The following GABRP variants were observed in gnomAD, a reference collection of about 807,000 sequenced individuals.
GABRP encodes gamma-aminobutyric acid type A receptor subunit pi.
Under a neutral mutation model 47.8 loss-of-function variants are expected in GABRP, and 52 were observed. The observed-to-expected ratio is 1.09, with a 90% CI of 0.87 to 1.37. The LOEUF is 1.37. GABRP is among the 40% of genes most tolerant of loss of function. The pLI is 0.00. For missense variants in GABRP, 525 were observed against 542.8 expected (o/e 0.97, Z 0.33); for synonymous variants, 221 against 205.8 (o/e 1.07, Z -0.63).
chr5:170,803,468 TG>T (rs1205569817), intron 6 of GABRP, among the ~76,000 whole-genome samples: 1 of 152,236 alleles, frequency 6.6e-6, no homozygotes, highest in Non-Finnish European at 1.5e-5. Flanking sequence ...GACTCAGAGT[TG>T]TTTTTTAACA....
chr5:170,789,320 G>A (rs575917022), intron 3 of GABRP, 73 bp downstream of exon 3: 16 of 965,830 alleles, frequency 1.7e-5, no homozygotes, highest in Admixed American at 6.7e-5. Flanking sequence ...GGAGGGTTTC[G>A]GGAGGTTTTA....
intron 3 of GABRP, among the ~76,000 whole-genome samples, chr5:170,793,769 G>GA (rs1166053264): frequency 9.7e-5 from 11 of 113,562 alleles, no homozygotes; most frequent in South Asian, 8.5e-4. Context: ...CCAACATGGA[G>GA]AAAAAAATAC....
At chr5:170,809,006 G>C (rs117738520) in intron 8 of GABRP, among the ~76,000 whole-genome samples, 1 of 151,948 alleles carries the variant, frequency 6.6e-6, no homozygotes, top group South Asian at 2.1e-4. Flanking sequence ...GCGTGATCTC[G>C]GCTCACTGCA....
In GABRP at chr5:170,808,608, A is replaced by C; in HGVS notation, c.688A>C (p.Thr230Pro). ...TRSQQETGNY[T>P]RLVLQFELRR... Reference sequence around the variant, plus strand: ...GTTGTTTACCCTTTCAGGAAATTACACTAGATTGGTCTTACAGTTTGAGCT... The same window carrying C: ...GTTGTTTACCCTTTCAGGAAATTACCCTAGATTGGTCTTACAGTTTGAGCT... The change falls in exon 8 of 10, where the codon ACT (threonine) becomes CCT (proline). Residue 230 changes from threonine (T) to proline (P), a missense_variant. Transcript: ENST00000265294. 6.2e-7 allele frequency: 1 copy of C among 1,613,826 alleles called. No homozygotes were observed. The highest frequency in any genetic ancestry group is 8.5e-7 in the Non-Finnish European group (1 of 1,179,876).
chr5:170,788,409 A>T, intron 1 of GABRP, 165 bp from the exon 2 acceptor site: 2 of 495,984 alleles, frequency 4.0e-6, no homozygotes, highest in Admixed American at 3.6e-5. Context: ...TCATTCCTGG[A>T]GGGAACACAG....
chr5:170,790,200 G>A (rs2127251670), intron 3 of GABRP, among the ~76,000 whole-genome samples: 1 of 152,284 alleles, frequency 6.6e-6, no homozygotes, highest in Non-Finnish European at 1.5e-5. Flanking sequence ...CAACTGCACA[G>A]CTCTTCATAG....
intron 1 of GABRP, chr5:170,788,084 C>T (rs544015323): frequency 6.6e-6 from 1 of 152,486 alleles, no homozygotes; most frequent in South Asian, 2.1e-4. Context: ...GGCATAGTGG[C>T]CCATGCCTGT....
intron 1 of GABRP, 66 bp from the exon 2 acceptor site, chr5:170,788,508 G>A: frequency 1.9e-6 from 2 of 1,061,628 alleles, no homozygotes; most frequent in Non-Finnish European, 2.9e-6. Flanking sequence ...ACCAGAGAGA[G>A]AGGCTGGCCA....
intron 6 of GABRP, among the ~76,000 whole-genome samples, chr5:170,800,950 C>CA (rs1174816642): frequency 1.3e-5 from 2 of 151,964 alleles, no homozygotes; most frequent in Non-Finnish European, 2.9e-5. Flanking sequence ...CCATCTCAAA[C>CA]AAAAAAATAT....
intron 4 of GABRP, chr5:170,794,522 C>T (rs1765370460): frequency 2.7e-6 from 1 of 364,342 alleles, no homozygotes; most frequent in Non-Finnish European, 4.9e-6. Context: ...TCTTGTAGAG[C>T]AGATTTCCTG....
At chr5:170,785,091 C>T (rs61590894) in intron 1 of GABRP, among the ~76,000 whole-genome samples, 5,301 of 152,234 alleles carry the variant, frequency 0.035, 290 homozygotes, top group African/African-American at 0.12. Flanking sequence ...TGAGGCTGGC[C>T]GACACATAAA....
intron 5 of GABRP, among the ~76,000 whole-genome samples, chr5:170,797,097 A>G (rs1765450014): frequency 6.6e-6 from 1 of 152,234 alleles, no homozygotes; most frequent in African/African-American, 2.4e-5. Flanking sequence ...GCCTGCTGTC[A>G]AGTGGTGACG....
chr5:170,795,139 T>C (rs1765390572), intron 4 of GABRP, 69 bp from the exon 5 acceptor site: 1 of 1,117,268 alleles, frequency 9.0e-7, no homozygotes, highest in Non-Finnish European at 1.4e-6. Context: ...TTGACCACTT[T>C]CCTCCATTTG....
upstream of GABRP, among the ~76,000 whole-genome samples, chr5:170,783,086 A>G (rs7722089): frequency 0.63 from 96,222 of 151,894 alleles, 31,737 homozygotes; most frequent in African/African-American, 0.79. Flanking sequence ...TCTGTGTGAG[A>G]GCAGGATGGG....
rs1371997712 is a variant in GABRP at position 170,809,668 on chromosome 5, G to A, written c.933G>A (p.Gly311=). The change falls in exon 9 of 10, where the codon GGG becomes GGA. Residue 311 remains glycine, a synonymous_variant. Coordinates refer to ENST00000265294, the MANE Select transcript of GABRP (RefSeq NM_014211.3). The part of the protein sequence containing the change: ...CFIKAIDVYL[G]ICFSFVFGAL... Reference sequence around the variant, plus strand: ...TCAAGGCCATCGATGTGTACCTGGGGATCTGCTTTAGCTTTGTGTTTGGGG... The same window carrying A: ...TCAAGGCCATCGATGTGTACCTGGGAATCTGCTTTAGCTTTGTGTTTGGGG... 6.2e-7 allele frequency: 1 copy of A among 1,614,064 alleles called. No homozygotes were observed. Among genetic ancestry groups the A allele is most frequent in the Non-Finnish European group, 8.5e-7 (1 of 1,179,984 alleles).
Position 170,812,501 on chromosome 5 carries a change from A to C in GABRP, c.*243A>C, listed in dbSNP as rs1765915985. 1 of 459,320 alleles carries C rather than the reference A, an allele frequency of 2.2e-6. No homozygotes were observed. Among genetic ancestry groups the C allele is most frequent in the South Asian group, 3.0e-5 (1 of 32,962 alleles). The allele number at this position is 459,320 out of a possible 1,614,324, so 28.5% of individuals were successfully genotyped here. A position where few individuals can be genotyped will look rare whatever the true frequency, so the allele number is the denominator to read the frequency against. On this transcript the variant is annotated 3_prime_UTR_variant, in exon 10 of 10. Transcript: ENST00000265294. ...TTCCTCTTTCATCTTAATCAAGGAC[A>C]TTCCCATGGAGCCCAAGATTACAAA... is the stretch of plus-strand genomic sequence containing the variant.
At chr5:170,796,355 C>T (rs191254261) in intron 5 of GABRP, among the ~76,000 whole-genome samples, 2 of 152,294 alleles carry the variant, frequency 1.3e-5, no homozygotes, top group East Asian at 3.9e-4. Context: ...CATGTTCCCA[C>T]AGCAATGTGT....
chr5:170,789,039 C>A (rs530841054), intron 2 of GABRP, 90 bp from the exon 3 acceptor site: 1 of 958,674 alleles, frequency 1.0e-6, no homozygotes, highest in Non-Finnish European at 1.7e-6. Flanking sequence ...TACACCCACA[C>A]ACACGTGGGC....
upstream of GABRP, chr5:170,782,736 C>G (rs989233293): frequency 2.0e-5 from 3 of 152,634 alleles, no homozygotes; most frequent in African/African-American, 7.2e-5. Context: ...GGCTCCTAGA[C>G]TGGGTCTAGG....
Sources: allele counts gnomAD v4.1 joint callset (sites outside exome capture counted in the v4.1 genomes callset), GRCh38; gene constraint gnomAD v4.1.1; transcripts MANE v1.5; gene names NCBI Gene and HGNC (gene_info 2026-07-23, HGNC 2026-07-21).